The following ADAMTSL1 variants were observed in gnomAD, a reference collection of about 807,000 sequenced individuals.
ADAMTSL1 encodes the protein ADAMTS like 1, also known as ADAMTS-like protein 1.
A neutral mutation model predicts 201.8 loss-of-function variants in ADAMTSL1; 126 were observed. The observed-to-expected ratio is 0.62, with a 90% CI of 0.54 to 0.72. The LOEUF is 0.72. Ranked by LOEUF, ADAMTSL1 falls within the 30% of genes least tolerant of loss-of-function variation. The probability of loss-of-function intolerance (pLI) is 0.00; values close to 1 mark genes in which losing one functional copy is unlikely to be tolerated. For missense variants in ADAMTSL1, 2,679 were observed against 2,277.8 expected, an observed-to-expected ratio of 1.18 and a Z score of -3.59; for synonymous variants, 1,121 against 903.4, an observed-to-expected ratio of 1.24 and a Z score of -4.32.
intron 2 of ADAMTSL1, among the ~76,000 whole-genome samples, chr9:18,240,366 G>A (rs1831016919): frequency 6.7e-6 from 1 of 149,770 alleles, no homozygotes; most frequent in Non-Finnish European, 1.5e-5. Flanking sequence ...TAAGCAGCAA[G>A]TATTAACAGT....
intron 4 of ADAMTSL1, among the ~76,000 whole-genome samples, chr9:18,590,345 G>T (rs1211484195): frequency 6.6e-6 from 1 of 151,734 alleles, no homozygotes; most frequent in African/African-American, 2.4e-5. Context: ...ATATTTCTAT[G>T]GTGTCACCTG....
chr9:18,255,931 T>A (rs574189247), intron 2 of ADAMTSL1, among the ~76,000 whole-genome samples: 1 of 152,356 alleles, frequency 6.6e-6, no homozygotes, highest in Non-Finnish European at 1.5e-5. Context: ...TGTGGTCTTG[T>A]TTCTCATATG....
chr9:18,604,041 T>C (rs1824848212), intron 4 of ADAMTSL1, among the ~76,000 whole-genome samples: 2 of 152,328 alleles, frequency 1.3e-5, no homozygotes, highest in South Asian at 2.1e-4. Context: ...TGCATTTGGG[T>C]TGTCCTTACT....
intron 2 of ADAMTSL1, among the ~76,000 whole-genome samples, chr9:18,342,724 T>G (rs576020160): frequency 1.3e-5 from 2 of 152,270 alleles, no homozygotes; most frequent in South Asian, 4.1e-4. Flanking sequence ...CTGAGACCTT[T>G]GAAAATCTGT....
At chr9:18,258,275 G>C (rs371898721) in intron 2 of ADAMTSL1, among the ~76,000 whole-genome samples, 16 of 152,228 alleles carry the variant, frequency 1.1e-4, no homozygotes, top group African/African-American at 3.9e-4. Flanking sequence ...AGATGCGTAC[G>C]CAAGAAAAAG....
intron 2 of ADAMTSL1, among the ~76,000 whole-genome samples, chr9:18,531,148 C>A (rs965716936): frequency 2.6e-5 from 4 of 152,184 alleles, no homozygotes; most frequent in African/African-American, 7.2e-5. Context: ...AACTAGAATG[C>A]CAGTTGATTA....
At chr9:18,430,947 A>C (rs543493867) in intron 2 of ADAMTSL1, among the ~76,000 whole-genome samples, 1 of 152,328 alleles carries the variant, frequency 6.6e-6, no homozygotes, top group Admixed American at 6.5e-5. Context: ...TGAATGGGTC[A>C]TATGACATTT....
At chr9:18,683,403 T>G (rs1023012982) in intron 12 of ADAMTSL1, among the ~76,000 whole-genome samples, 16 of 151,418 alleles carry the variant, frequency 1.1e-4, no homozygotes, top group Non-Finnish European at 2.4e-4. Context: ...TTTTTGTATT[T>G]TTTTTTTTTG....
At chr9:18,629,760 G>C (rs1045334624) in intron 5 of ADAMTSL1, among the ~76,000 whole-genome samples, 1 of 152,108 alleles carries the variant, frequency 6.6e-6, no homozygotes, top group Non-Finnish European at 1.5e-5. Context: ...ACGATGAGTA[G>C]AGAAGTAATT....
chr9:18,146,366 A>G (rs1212250519), intron 1 of ADAMTSL1, among the ~76,000 whole-genome samples: 1 of 152,220 alleles, frequency 6.6e-6, no homozygotes, highest in Non-Finnish European at 1.5e-5. Flanking sequence ...TCAATAGGTG[A>G]ATGAAATACT....
intron 26 of ADAMTSL1, among the ~76,000 whole-genome samples, chr9:18,895,308 C>T (rs986414213): frequency 1.3e-5 from 2 of 152,162 alleles, no homozygotes; most frequent in African/African-American, 2.4e-5. Flanking sequence ...CTAAACTAAC[C>T]TTATAAGTGC....
At chr9:18,236,113 C>G (rs566253219) in intron 2 of ADAMTSL1, among the ~76,000 whole-genome samples, 2 of 152,182 alleles carry the variant, frequency 1.3e-5, no homozygotes, top group African/African-American at 2.4e-5. Context: ...CAAAATCTAT[C>G]GGGCTGGAGT....
intron 1 of ADAMTSL1, among the ~76,000 whole-genome samples, chr9:17,965,905 G>A (rs539215468): frequency 6.6e-6 from 1 of 152,226 alleles, no homozygotes; most frequent in African/African-American, 2.4e-5. Context: ...TGCTGATGAT[G>A]GCACATCTAC....
intron 2 of ADAMTSL1, among the ~76,000 whole-genome samples, chr9:18,448,286 G>A (rs1820274408): frequency 6.6e-6 from 1 of 152,182 alleles, no homozygotes; most frequent in Admixed American, 6.5e-5. Flanking sequence ...GCCAGCCAGT[G>A]TGGGAAGGAC....
rs202085722 is a variant in ADAMTSL1 at position 17,983,064 on chromosome 9, C to CTTT, written c.87+76143_87+76145dup. On this transcript the variant is annotated intron_variant, in intron 1 of 29. Transcript: ENST00000680146. Reference sequence around the variant, plus strand: ...TTTTCATTTTCTTTTTCTTTTCTTTCTTTCTTTCTTTCTTTTTTTTTTTTG... The same window carrying CTTT: ...TTTTCATTTTCTTTTTCTTTTCTTTCTTTTTTCTTTCTTTCTTTTTTTTTTTTG... Among the ~76,000 whole-genome samples the CTTT allele has an allele frequency of 1.0e-2, 884 of 88,408 alleles. 119 individuals are homozygous for CTTT. Among genetic ancestry groups the CTTT allele is most frequent in the East Asian group, 0.015 (44 of 2,850 alleles). 58.0% of individuals were successfully genotyped at this position (88,408 alleles called of 152,430 possible).
intron 10 of ADAMTSL1, among the ~76,000 whole-genome samples, chr9:18,676,282 A>G (rs1441312566): frequency 6.6e-6 from 1 of 152,106 alleles, no homozygotes; most frequent in African/African-American, 2.4e-5. Context: ...ACAAACAAAC[A>G]CTGCCTAAAG....
intron 2 of ADAMTSL1, among the ~76,000 whole-genome samples, chr9:18,229,126 C>T (rs1453069748): frequency 6.6e-6 from 1 of 152,090 alleles, no homozygotes; most frequent in Non-Finnish European, 1.5e-5. Flanking sequence ...AGTATTTTTG[C>T]TGCCAAAAAT....
chr9:18,543,600 A>G (rs12553147), intron 3 of ADAMTSL1, among the ~76,000 whole-genome samples: 52,826 of 152,112 alleles, frequency 0.35, 9,476 homozygotes, highest in East Asian at 0.63. Context: ...TAAACACTGA[A>G]CATTCAGAGT....
intron 16 of ADAMTSL1, among the ~76,000 whole-genome samples, chr9:18,763,309 A>C (rs1300361848): frequency 6.6e-6 from 1 of 152,134 alleles, no homozygotes; most frequent in Non-Finnish European, 1.5e-5. Context: ...TCTTCTTTTG[A>C]GAGATGTCTA....
Sources: gnomAD v4.1 joint callset for allele counts (sites outside exome capture counted in the v4.1 genomes callset) on GRCh38, gnomAD v4.1.1 for gene constraint, MANE v1.5 for transcripts, NCBI Gene and HGNC (gene_info 2026-07-23, HGNC 2026-07-21) for gene names.